Variants in KHDC1 observed in about 807,000 individuals in gnomAD.
KHDC1 encodes KH domain containing 1.
A neutral mutation model predicts 24.7 loss-of-function variants in KHDC1; 21 were observed. The observed-to-expected ratio is 0.85, with a 90% confidence interval of 0.60 to 1.23. The LOEUF (loss-of-function observed/expected upper bound fraction) is 1.23. Among genes scored for constraint, KHDC1 ranks in the 50% most tolerant of loss-of-function variants. The pLI is 0.00. For missense variants in KHDC1, 274 were observed against 298.5 expected (o/e 0.92, Z 0.61); for synonymous variants, 98 against 111.7 (o/e 0.88, Z 0.77).
At chr6:73,281,421 G>A (rs1201633803) in intron 2 of KHDC1, among the ~76,000 whole-genome samples, 1 of 150,888 alleles carries the variant, frequency 6.6e-6, no homozygotes, top group Non-Finnish European at 1.5e-5. Flanking sequence ...TTCAAGACCA[G>A]CCTTGCCAAC....
At chr6:73,274,979 G>C (rs1354526216) in intron 2 of KHDC1, 1 of 152,618 alleles carries the variant, frequency 6.6e-6, no homozygotes, top group Non-Finnish European at 1.5e-5. Flanking sequence ...GCTTACAGAA[G>C]GAACTAACCT....
At chr6:73,282,063 C>T (rs1767423314) in intron 2 of KHDC1, among the ~76,000 whole-genome samples, 1 of 151,182 alleles carries the variant, frequency 6.6e-6, no homozygotes, top group African/African-American at 2.4e-5. Flanking sequence ...ACTAAAAATA[C>T]AAAAATTAGC....
At chr6:73,294,264 CA>C (rs1435568368) in intron 1 of KHDC1, among the ~76,000 whole-genome samples, 1 of 152,056 alleles carries the variant, frequency 6.6e-6, no homozygotes, top group African/African-American at 2.4e-5. Context: ...CCAGCATAAA[CA>C]GCATAAAGAA....
chr6:73,288,158 G>T (rs1012096586), intron 2 of KHDC1, among the ~76,000 whole-genome samples: 1 of 152,222 alleles, frequency 6.6e-6, no homozygotes, highest in African/African-American at 2.4e-5. Flanking sequence ...CCGAGAAGAC[G>T]GCAGTGAACT....
At chr6:73,296,253 G>C (rs547020418) in intron 1 of KHDC1, among the ~76,000 whole-genome samples, 60 of 151,580 alleles carry the variant, frequency 4.0e-4, no homozygotes, top group Non-Finnish European at 6.2e-4. Flanking sequence ...CCAAGAGTTC[G>C]AGACCAGCCT....
At chr6:73,269,934 A>G (rs1264501873) in intron 2 of KHDC1, 4 of 151,914 alleles carry the variant, frequency 2.6e-5, no homozygotes, top group African/African-American at 9.7e-5. Flanking sequence ...TGCCTGGCCA[A>G]TTTTTTAATT....
At chr6:73,254,112 A>C (rs1338785801) in intron 2 of KHDC1, among the ~76,000 whole-genome samples, 1 of 152,200 alleles carries the variant, frequency 6.6e-6, no homozygotes, top group African/African-American at 2.4e-5. Flanking sequence ...TTTTATAGGC[A>C]TGGACTAAGG....
At chr6:73,264,469 G>A (rs1478353643) in intron 2 of KHDC1, among the ~76,000 whole-genome samples, 1 of 152,150 alleles carries the variant, frequency 6.6e-6, no homozygotes, top group African/African-American at 2.4e-5. Context: ...GCCCTCTTGG[G>A]GCAAAGCTGT....
rs1298244933 is a variant in KHDC1, at chr6:73,292,330, T to C, written c.164-290A>G. On this transcript the variant is annotated intron_variant, in intron 1 of 4. Transcript: ENST00000370384. ...ACTACCTGGCGGACAAGCATGGTTT[T>C]AGGCAGGAGTATTTAGATACATTCT... The C allele has an allele frequency of 4.3e-6, 4 of 921,428 alleles. No homozygotes were observed. The African/African-American group carries it at 6.5e-5, about 15-fold the overall frequency. 57.1% of individuals were successfully genotyped at this position (921,428 alleles called of 1,614,324 possible). A position where few individuals can be genotyped will look rare whatever the true frequency, so the allele number is the denominator to read the frequency against.
At chr6:73,251,102 T>C (rs751508473) in intron 2 of KHDC1, among the ~76,000 whole-genome samples, 49 of 152,194 alleles carry the variant, frequency 3.2e-4, no homozygotes, top group Non-Finnish European at 6.3e-4. Context: ...TCTGGGATTA[T>C]AGGCTGAGCC....
At chr6:73,289,973 G>A (rs1228371346) in intron 2 of KHDC1, among the ~76,000 whole-genome samples, 12 of 148,756 alleles carry the variant, frequency 8.1e-5, no homozygotes, top group African/African-American at 2.2e-4. Flanking sequence ...GGTGGCGGGC[G>A]CCTGTAGTCC....
At chr6:73,248,516 G>A (rs1189122613) in intron 2 of KHDC1, among the ~76,000 whole-genome samples, 1 of 152,058 alleles carries the variant, frequency 6.6e-6, no homozygotes, top group Non-Finnish European at 1.5e-5. Flanking sequence ...TTAGGGTGAA[G>A]TAAACAGAAA....
intron 2 of KHDC1, among the ~76,000 whole-genome samples, chr6:73,244,928 T>C (rs1223150712): frequency 2.0e-5 from 3 of 152,120 alleles, no homozygotes; most frequent in Admixed American, 6.6e-5. Context: ...ACCCTGTCTC[T>C]TAAAATATGA....
At position 73,248,056 on chromosome 6, in the gene KHDC1, A is replaced by T. The variant is rs772986217; in HGVS notation, c.207-5526T>A. On this transcript the variant is annotated intron_variant, in intron 2 of 4. Transcript: ENST00000370384. ...GCTGTTTCCCCCAGAGTGGAGAGAA[A>T]TGTGAATGCCTCCAACAAGTCTGTT... 3.9e-5 allele frequency among the ~76,000 whole-genome samples: 6 copies of T among 152,142 alleles called. No individual in the cohort carries two copies. In the East Asian group the frequency reaches 1.2e-3, roughly 29 times the overall value.
intron 2 of KHDC1, among the ~76,000 whole-genome samples, chr6:73,272,521 A>G (rs1452876471): frequency 1.3e-5 from 2 of 151,960 alleles, no homozygotes; most frequent in Admixed American, 6.5e-5. Context: ...CACACCCGTA[A>G]TCCCAGCGCT....
intron 2 of KHDC1, among the ~76,000 whole-genome samples, chr6:73,252,796 A>G (rs1214742623): frequency 9.2e-5 from 14 of 151,972 alleles, no homozygotes; most frequent in African/African-American, 3.4e-4. Context: ...CTGCCTGGGC[A>G]ACAGAGTGAG....
intron 2 of KHDC1, among the ~76,000 whole-genome samples, chr6:73,273,561 A>G (rs544684510): frequency 1.3e-5 from 2 of 151,964 alleles, no homozygotes; most frequent in African/African-American, 4.8e-5. Context: ...TCACGCCTGT[A>G]GTCCCAGCAC....
intron 1 of KHDC1, chr6:73,299,434 G>C (rs1019105394): frequency 1.3e-5 from 2 of 152,476 alleles, no homozygotes; most frequent in African/African-American, 4.8e-5. Context: ...CGGAGCCGCT[G>C]ACTGCGGAGC....
chr6:73,282,009 G>A (rs1767422477), intron 2 of KHDC1, among the ~76,000 whole-genome samples: 1 of 151,802 alleles, frequency 6.6e-6, no homozygotes, highest in Non-Finnish European at 1.5e-5. Context: ...CTTGAGGCTG[G>A]GAGTTTGAGA....
Sources: allele counts gnomAD v4.1 joint callset (sites outside exome capture counted in the v4.1 genomes callset), GRCh38; gene constraint gnomAD v4.1.1; transcripts MANE v1.5; gene names NCBI Gene and HGNC (gene_info 2026-07-23, HGNC 2026-07-21).